The following ELMO1 variants were observed in gnomAD, a reference collection of about 807,000 sequenced individuals.
ELMO1 encodes the protein engulfment and cell motility protein 1.
ELMO1 carries 26 observed loss-of-function variants against 98.9 expected under a neutral mutation model. The ratio of observed to expected loss-of-function variants is 0.26; its 90% confidence interval spans 0.19 to 0.36. The LOEUF is 0.36. Among genes scored for constraint, ELMO1 ranks in the 10% least tolerant of loss-of-function variants. The pLI is 1.00. For synonymous variants in ELMO1, 346 were observed against 346.0 expected (o/e 1.00, Z 0.00); for missense variants, 627 against 935.2 (o/e 0.67, Z 4.30).
At chr7:37,329,744 A>G (rs565338256) in intron 2 of ELMO1, among the ~76,000 whole-genome samples, 1 of 152,266 alleles carries the variant, frequency 6.6e-6, no homozygotes, top group East Asian at 1.9e-4. Flanking sequence ...CATACCAGAA[A>G]TCTCAGAACT....
chr7:36,983,242 G>A (rs924066058), intron 16 of ELMO1, among the ~76,000 whole-genome samples: 13 of 152,212 alleles, frequency 8.5e-5, no homozygotes, highest in African/African-American at 3.1e-4. Context: ...GAATGAGATG[G>A]TGCATCACAC....
chr7:37,132,066 GAATA>G (rs1194105549), intron 14 of ELMO1, among the ~76,000 whole-genome samples: 2 of 152,044 alleles, frequency 1.3e-5, no homozygotes, highest in African/African-American at 4.8e-5. Flanking sequence ...CTCTCTAGGG[GAATA>G]AATACTGTCC....
At chr7:37,317,281 C>A (rs1799234508) in intron 2 of ELMO1, among the ~76,000 whole-genome samples, 1 of 152,162 alleles carries the variant, frequency 6.6e-6, no homozygotes, top group South Asian at 2.1e-4. Context: ...CCAGTGAACT[C>A]TCTCCCACTG....
intron 4 of ELMO1, among the ~76,000 whole-genome samples, chr7:37,293,309 G>A (rs1391605458): frequency 1.5e-5 from 2 of 130,092 alleles, no homozygotes; most frequent in African/African-American, 2.6e-5. Context: ...TTGAGAAATC[G>A]GGTGGTTGCC....
chr7:37,032,147 C>T (rs1422434678), intron 15 of ELMO1, among the ~76,000 whole-genome samples: 4 of 152,124 alleles, frequency 2.6e-5, no homozygotes, highest in Non-Finnish European at 1.5e-5. Context: ...TGTATGTTCA[C>T]GGTGACTCAG....
chr7:37,081,498 C>A (rs7782132), intron 15 of ELMO1, among the ~76,000 whole-genome samples: 30,790 of 152,184 alleles, frequency 0.2, 3,709 homozygotes, highest in African/African-American at 0.33. Context: ...TAGCTTCCAT[C>A]ATTCCCATGT....
chr7:36,908,972 C>CT (rs1385254181), intron 16 of ELMO1, among the ~76,000 whole-genome samples: 3 of 151,944 alleles, frequency 2.0e-5, no homozygotes, highest in Non-Finnish European at 4.4e-5. Context: ...AGGGACTATC[C>CT]TTTTTTTTCA....
chr7:37,276,568 G>A (rs879864600), intron 4 of ELMO1, among the ~76,000 whole-genome samples: 7 of 152,308 alleles, frequency 4.6e-5, no homozygotes, highest in African/African-American at 9.6e-5. Flanking sequence ...CCGAGATTAC[G>A]CCACTGCACT....
At chr7:37,355,107 T>A (rs956265110) in intron 1 of ELMO1, among the ~76,000 whole-genome samples, 9 of 152,310 alleles carry the variant, frequency 5.9e-5, no homozygotes, top group African/African-American at 1.9e-4. Flanking sequence ...CCTGACGTCC[T>A]TATTCCCAGA....
intron 15 of ELMO1, among the ~76,000 whole-genome samples, chr7:37,051,139 T>C (rs1796090581): frequency 6.6e-6 from 1 of 152,198 alleles, no homozygotes; most frequent in African/African-American, 2.4e-5. Flanking sequence ...AGAATAGATA[T>C]AAGTAGCATC....
chr7:36,937,479 A>G (rs973177831), intron 16 of ELMO1, among the ~76,000 whole-genome samples: 15 of 152,230 alleles, frequency 9.9e-5, no homozygotes, highest in Admixed American at 3.3e-4. Flanking sequence ...CTAGGAGACC[A>G]TAACTTTCTC....
At chr7:37,382,659 T>C (rs1802626835) in intron 1 of ELMO1, among the ~76,000 whole-genome samples, 1 of 152,156 alleles carries the variant, frequency 6.6e-6, no homozygotes, top group South Asian at 2.1e-4. Flanking sequence ...TTATCTGCCA[T>C]TAGTATTCCC....
intron 16 of ELMO1, among the ~76,000 whole-genome samples, chr7:36,909,779 T>G (rs548170530): frequency 6.6e-6 from 1 of 152,360 alleles, no homozygotes; most frequent in East Asian, 1.9e-4. Flanking sequence ...TGGAAAGTCT[T>G]TTTCTTCAAG....
intron 16 of ELMO1, among the ~76,000 whole-genome samples, chr7:36,944,558 T>A (rs986156008): frequency 9.2e-5 from 14 of 152,232 alleles, no homozygotes; most frequent in African/African-American, 3.1e-4. Flanking sequence ...CTTGCTAAGT[T>A]CTACTGGTGA....
At chr7:37,246,543 A>G (rs1795015186) in intron 6 of ELMO1, among the ~76,000 whole-genome samples, 1 of 152,254 alleles carries the variant, frequency 6.6e-6, no homozygotes, top group African/African-American at 2.4e-5. Flanking sequence ...ACCATCTGTT[A>G]TATTCCAGCC....
rs1458749793 is a variant in ELMO1 at position 37,116,600 on chromosome 7, C to A, written c.1191+16530G>T. On this transcript the variant is annotated intron_variant, in intron 14 of 21. Coordinates refer to ENST00000310758, the MANE Select transcript of ELMO1 (RefSeq NM_014800.11). ...CAATATGTCAACTACATATAGTTCA[C>A]TATACAGCTTAGCTTCACTTTTTTC... 2.0e-5 allele frequency among the ~76,000 whole-genome samples: 3 copies of A among 151,796 alleles called. No homozygotes were observed. In the East Asian group the frequency reaches 5.8e-4, roughly 29 times the overall value.
intron 19 of ELMO1, among the ~76,000 whole-genome samples, chr7:36,873,492 CTT>C (rs1220502281): frequency 6.6e-6 from 1 of 152,198 alleles, no homozygotes; most frequent in East Asian, 1.9e-4. Flanking sequence ...TCTTTCAATG[CTT>C]TTTACAGTTT....
chr7:37,054,018 T>G (rs1796263352), intron 15 of ELMO1, among the ~76,000 whole-genome samples: 1 of 152,190 alleles, frequency 6.6e-6, no homozygotes. Context: ...TTATTCAGAT[T>G]ATGGATTCAA....
chr7:37,067,363 G>A (rs1797038701), intron 15 of ELMO1, among the ~76,000 whole-genome samples: 1 of 152,168 alleles, frequency 6.6e-6, no homozygotes. Flanking sequence ...CAGGTCTGTT[G>A]GTCAGCAGGG....
Sources: gnomAD v4.1 joint callset for allele counts (sites outside exome capture counted in the v4.1 genomes callset) on GRCh38, gnomAD v4.1.1 for gene constraint, MANE v1.5 for transcripts, NCBI Gene and HGNC (gene_info 2026-07-23, HGNC 2026-07-21) for gene names.